The following SEMA5A variants were observed in gnomAD, a reference collection of about 807,000 sequenced individuals.
SEMA5A encodes the protein semaphorin-5A.
A neutral mutation model predicts 135.5 loss-of-function variants in SEMA5A; 55 were observed. The ratio of observed to expected loss-of-function variants is 0.41; its 90% CI spans 0.33 to 0.51. The LOEUF (loss-of-function observed/expected upper bound fraction) is 0.51, where lower values mean the gene tolerates loss of function less well. Among genes scored for constraint, SEMA5A ranks in the 20% least tolerant of loss-of-function variants. The pLI, the probability that SEMA5A is intolerant of heterozygous loss-of-function variation, is 0.37. For synonymous variants in SEMA5A, 580 were observed against 546.5 expected (o/e 1.06, Z -0.85); for missense variants, 1,290 against 1,419.9 (o/e 0.91, Z 1.47).
chr5:9,082,405 T>C lies in SEMA5A; in HGVS notation c.2074-15759A>G, dbSNP rs955337066. The stretch of plus-strand genomic sequence containing the variant: ...CAGTGACTACCTAAGACAGAAAGAG[T>C]TGATTCTTCATTAGGGTTGATGTCT... On this transcript the variant is annotated intron_variant, in intron 16 of 22. Transcript: ENST00000382496. Among the ~76,000 whole-genome samples the C allele has an allele frequency of 2.0e-5, 3 of 152,108 alleles. No individual in the cohort carries two copies. In the South Asian group the frequency reaches 6.3e-4, roughly 32 times the overall value.
intron 1 of SEMA5A, among the ~76,000 whole-genome samples, chr5:9,540,726 T>C (rs946557525): frequency 6.6e-6 from 1 of 152,198 alleles, no homozygotes; most frequent in Non-Finnish European, 1.5e-5. Context: ...CAACCATAAA[T>C]GTCCCTGGCC....
intron 1 of SEMA5A, among the ~76,000 whole-genome samples, chr5:9,467,620 G>C (rs181011949): frequency 9.2e-5 from 14 of 152,288 alleles, no homozygotes; most frequent in African/African-American, 2.9e-4. Flanking sequence ...CTAGAGGACT[G>C]TAAGCATGGG....
intron 10 of SEMA5A, 58 bp downstream of exon 10, chr5:9,197,110 G>A: frequency 6.2e-7 from 1 of 1,607,254 alleles, no homozygotes; most frequent in Non-Finnish European, 8.5e-7. Flanking sequence ...GTCTACACAA[G>A]GCTTCTGCAT....
chr5:9,465,657 G>A (rs574508311), intron 1 of SEMA5A, among the ~76,000 whole-genome samples: 3 of 152,328 alleles, frequency 2.0e-5, no homozygotes, highest in African/African-American at 7.2e-5. Flanking sequence ...ATGCTCACAG[G>A]TTATATGGTA....
chr5:9,428,711 T>A (rs369610620), intron 2 of SEMA5A, among the ~76,000 whole-genome samples: 63 of 152,328 alleles, frequency 4.1e-4, no homozygotes, highest in African/African-American at 1.5e-3. Context: ...GGGGACAGTC[T>A]ATAATGGCTA....
intron 5 of SEMA5A, among the ~76,000 whole-genome samples, chr5:9,273,430 G>A (rs1157505531): frequency 1.3e-5 from 2 of 152,074 alleles, no homozygotes; most frequent in South Asian, 2.1e-4. Context: ...ATATTATCTA[G>A]GAGAACTTCC....
chr5:9,109,891 A>G (rs563148371), intron 15 of SEMA5A, among the ~76,000 whole-genome samples: 1 of 152,326 alleles, frequency 6.6e-6, no homozygotes, highest in East Asian at 1.9e-4. Flanking sequence ...CACCAGGAAA[A>G]GAAACTTGGA....
At chr5:9,253,974 C>T (rs1173009289) in intron 5 of SEMA5A, among the ~76,000 whole-genome samples, 1 of 152,114 alleles carries the variant, frequency 6.6e-6, no homozygotes, top group East Asian at 1.9e-4. Flanking sequence ...TAAGGACATT[C>T]CTTGAGGTTC....
At chr5:9,332,930 A>G (rs1727668951) in intron 4 of SEMA5A, among the ~76,000 whole-genome samples, 2 of 152,228 alleles carry the variant, frequency 1.3e-5, no homozygotes, top group Non-Finnish European at 2.9e-5. Flanking sequence ...GCAGATGTTT[A>G]GGCCATGTGG....
chr5:9,053,959 A>T, intron 19 of SEMA5A, 128 bp downstream of exon 19: 1 of 977,540 alleles, frequency 1.0e-6, no homozygotes, highest in Non-Finnish European at 1.5e-6. Context: ...GGGTAATAGC[A>T]TGTTGCTAAC....
At chr5:9,216,827 G>C (rs770052223) in intron 8 of SEMA5A, among the ~76,000 whole-genome samples, 25 of 152,032 alleles carry the variant, frequency 1.6e-4, no homozygotes, top group Non-Finnish European at 3.1e-4. Context: ...TTTTCCATTT[G>C]CTTGGTAGAT....
intron 6 of SEMA5A, among the ~76,000 whole-genome samples, chr5:9,236,475 G>T (rs1376362074): frequency 6.6e-6 from 1 of 152,136 alleles, no homozygotes; most frequent in Non-Finnish European, 1.5e-5. Flanking sequence ...ACACCACAGG[G>T]AGGAAAAAGG....
intron 8 of SEMA5A, among the ~76,000 whole-genome samples, chr5:9,223,250 C>T (rs559392581): frequency 1.6e-4 from 24 of 152,264 alleles, no homozygotes; most frequent in African/African-American, 3.1e-4. Flanking sequence ...AAGTTAATGA[C>T]GAGGACATCC....
At chr5:9,240,832 TG>T (rs1481179617) in intron 5 of SEMA5A, among the ~76,000 whole-genome samples, 7 of 152,140 alleles carry the variant, frequency 4.6e-5, no homozygotes, top group Non-Finnish European at 1.0e-4. Flanking sequence ...CGTGTCCACT[TG>T]TATTCAAAAG....
rs1267822784 is a variant in SEMA5A at position 9,044,465 on chromosome 5, C to T, written c.3013G>A (p.Val1005Ile). ...RYQQQSHDAT[V>I]IHPVSPAPLN... is the part of the protein sequence containing the mutation. ...GGGGCAGGTGAGACGGGGTGGATGA[C>T]AGTCGCATCGTGGGATTGCTGCTGG... is the stretch of plus-strand genomic sequence containing the variant. Residue 1005 changes from valine (V) to isoleucine (I), a missense_variant, in exon 22 of 23, where the codon GTC (valine) becomes ATC (isoleucine). Around this residue, in one of 3 missense-constraint regions of SEMA5A, gnomAD observed 1,029 missense variants for 1,086.6 expected, o/e 0.95. Transcript: ENST00000382496. The T allele has an allele frequency of 6.2e-7, 1 of 1,613,956 alleles. No individual in the cohort carries two copies. The highest frequency in any genetic ancestry group is 1.7e-5 in the Admixed American group (1 of 60,002).
intron 8 of SEMA5A, among the ~76,000 whole-genome samples, chr5:9,219,914 G>A (rs904466378): frequency 2.6e-5 from 4 of 152,212 alleles, no homozygotes; most frequent in Non-Finnish European, 4.4e-5. Flanking sequence ...GCTGAGACCA[G>A]ATCTGTGAAT....
intron 19 of SEMA5A, 53 bp downstream of exon 19, chr5:9,054,034 A>G: frequency 6.5e-7 from 1 of 1,543,512 alleles, no homozygotes; most frequent in South Asian, 1.3e-5. Context: ...TTATCCATTA[A>G]GGAAAGAGGC....
At chr5:9,500,609 A>G (rs1006902637) in intron 1 of SEMA5A, among the ~76,000 whole-genome samples, 4 of 152,196 alleles carry the variant, frequency 2.6e-5, no homozygotes, top group African/African-American at 7.2e-5. Context: ...AGGATAGGGC[A>G]CTGGATAAAA....
intron 2 of SEMA5A, among the ~76,000 whole-genome samples, chr5:9,428,026 T>C (rs1451377055): frequency 2.0e-5 from 3 of 151,770 alleles, no homozygotes; most frequent in East Asian, 3.9e-4. Flanking sequence ...ATTCTATCTT[T>C]CTGTTTATTC....
Sources: allele counts gnomAD v4.1 joint callset (sites outside exome capture counted in the v4.1 genomes callset), GRCh38; gene constraint gnomAD v4.1.1; regional missense constraint gnomAD v4.1.1; transcripts MANE v1.5; gene names NCBI Gene and HGNC (gene_info 2026-07-23, HGNC 2026-07-21).